CCDC144A: variants seen among roughly 807,000 people sequenced by gnomAD.
CCDC144A encodes the protein coiled-coil domain containing 144A.
A neutral mutation model predicts 143.8 loss-of-function variants in CCDC144A; 41 were observed. The observed-to-expected ratio is 0.29, with a 90% CI of 0.22 to 0.37. CCDC144A has a LOEUF of 0.37. Among genes scored for constraint, CCDC144A ranks in the 10% least tolerant of loss-of-function variants. CCDC144A has a pLI of 1.00. For synonymous variants in CCDC144A, 242 were observed against 517.9 expected, an observed-to-expected ratio of 0.47 and a Z score of 7.23; for missense variants, 637 against 1,488.8, an observed-to-expected ratio of 0.43 and a Z score of 9.41.
chr17:16,682,893 T>G, the CCDC144A span, among the ~76,000 whole-genome samples: 26 of 106,752 alleles, frequency 2.4e-4, no homozygotes, highest in Admixed American at 1.3e-3. Flanking sequence ...GTTTTTTTTT[T>G]TTTTTTTTTT....
chr17:16,669,910 C>T, the CCDC144A span, among the ~76,000 whole-genome samples: 1 of 152,128 alleles, frequency 6.6e-6, no homozygotes, highest in Non-Finnish European at 1.5e-5. Flanking sequence ...TATTGTTAGG[C>T]CAGGCCCGGT....
At chr17:16,759,588 T>G (rs2143360310) in intron 12 of CCDC144A, among the ~76,000 whole-genome samples, 1 of 150,266 alleles carries the variant, frequency 6.7e-6, no homozygotes, top group East Asian at 2.0e-4. Flanking sequence ...CAGGTTCCCG[T>G]ATCGTTTTCT....
At chr17:16,701,189 A>G (rs895767584) in intron 2 of CCDC144A, among the ~76,000 whole-genome samples, 115 of 151,730 alleles carry the variant, frequency 7.6e-4, no homozygotes, top group Non-Finnish European at 1.5e-3. Context: ...AAAATTAATA[A>G]TATTATTTTC....
intron 2 of CCDC144A, among the ~76,000 whole-genome samples, chr17:16,699,538 G>A (rs1911614699): frequency 2.0e-5 from 1 of 49,146 alleles, no homozygotes. Flanking sequence ...ACCGCGCCCG[G>A]CCTGGACTTT....
chr17:16,681,037 A>G, the CCDC144A span, among the ~76,000 whole-genome samples: 1 of 152,114 alleles, frequency 6.6e-6, no homozygotes, highest in South Asian at 2.1e-4. Context: ...GATATTCTTA[A>G]TGAAGTTGCA....
At chr17:16,675,901 C>T in the CCDC144A span, among the ~76,000 whole-genome samples, 1 of 151,742 alleles carries the variant, frequency 6.6e-6, no homozygotes, top group South Asian at 2.1e-4. Context: ...CGCCACCAAG[C>T]CCAGCTAATT....
Position 16,690,745 on chromosome 17 carries a change from G to A in CCDC144A, c.344+1G>A. 6.3e-7 allele frequency: 1 copy of A among 1,597,298 alleles called. No individual in the cohort carries two copies. Among genetic ancestry groups the A allele is most frequent in the Non-Finnish European group, 8.6e-7 (1 of 1,167,820 alleles). On this transcript the variant is annotated splice_donor_variant, in intron 1 of 16. Coordinates refer to ENST00000399273, the MANE Select transcript of CCDC144A (RefSeq NM_001382000.1). LOFTEE classifies it high-confidence loss of function. ...TGGACAAGAGGGATAGGAAGAAGAG[G>A]TAATGGCCAGGCGAAGGATGCGCCG...
Position 16,720,566 on chromosome 17 carries a change from C to T in CCDC144A, c.1799C>T (p.Pro600Leu). ...GCTGACTTTGCTGACTCAATGGAGC[C>T]ATCTGAAATAGCCTCAGAGGATTGT... ...PEADFADSME[P>L]SEIASEDCEL... Residue 600 changes from proline (P) to leucine (L), a missense_variant, in exon 8 of 17, where the codon CCA (proline) becomes CTA (leucine). By Grantham distance (98) the Pro-to-Leu change is moderately conservative (BLOSUM62 -3). Coordinates refer to ENST00000399273, the MANE Select transcript of CCDC144A (RefSeq NM_001382000.1). 1.2e-6 allele frequency: 2 copies of T among 1,609,730 alleles called. No homozygotes were observed. The highest frequency in any genetic ancestry group is 2.2e-5 in the East Asian group (1 of 44,840).
At chr17:16,671,452 T>G in the CCDC144A span, among the ~76,000 whole-genome samples, 1 of 152,102 alleles carries the variant, frequency 6.6e-6, no homozygotes, top group African/African-American at 2.4e-5. Flanking sequence ...GGTCTGATAT[T>G]AGGAAAGTCA....
chr17:16,716,875 A>G (rs1034227515), intron 6 of CCDC144A, among the ~76,000 whole-genome samples: 11 of 141,458 alleles, frequency 7.8e-5, no homozygotes, highest in African/African-American at 1.1e-4. Flanking sequence ...GTGCAGTGGC[A>G]CCATCTCAGC....
chr17:16,739,348 C>G (rs1914156985), intron 12 of CCDC144A, among the ~76,000 whole-genome samples: 1 of 129,632 alleles, frequency 7.7e-6, no homozygotes, highest in South Asian at 2.7e-4. Flanking sequence ...CTCAAGCAAT[C>G]CTCCCACCTC....
chr17:16,724,994 A>C, intron 8 of CCDC144A, among the ~76,000 whole-genome samples: 1 of 94,494 alleles, frequency 1.1e-5, no homozygotes, highest in African/African-American at 3.9e-5. Context: ...GACTGTTTAT[A>C]GCTGGTAATT....
chr17:16,737,395 T>C lies in CCDC144A; in HGVS notation c.3372+1752T>C. On this transcript the variant is annotated intron_variant, in intron 12 of 16. Coordinates refer to ENST00000399273, the MANE Select transcript of CCDC144A (RefSeq NM_001382000.1). ...TTTAGCCGGGATGGTCTCGATCTCC[T>C]GACCTCGTGATCCGCCCGCCTCGGC... The C allele has an allele frequency of 2.4e-6, 2 of 845,500 alleles. 1 individual carries two copies. Among genetic ancestry groups the C allele is most frequent in the South Asian group, 4.2e-5 (2 of 47,330 alleles). The allele number at this position is 845,500 out of a possible 1,614,324, so 52.4% of individuals were successfully genotyped here. A position where few individuals can be genotyped will look rare whatever the true frequency, so the allele number is the denominator to read the frequency against.
At chr17:16,685,935 C>CT (rs1468899412), upstream of CCDC144A, among the ~76,000 whole-genome samples, 68 of 143,924 alleles carry the variant, frequency 4.7e-4, 1 homozygote, top group African/African-American at 1.7e-3. Flanking sequence ...CCACATCTGG[C>CT]TATTTTTTTT....
At chr17:16,679,509 C>T in the CCDC144A span, among the ~76,000 whole-genome samples, 1 of 151,600 alleles carries the variant, frequency 6.6e-6, no homozygotes, top group Non-Finnish European at 1.5e-5. Context: ...ATGAGGACAG[C>T]TTTTACACAG....
At chr17:16,700,177 G>A (rs947077859) in intron 2 of CCDC144A, among the ~76,000 whole-genome samples, 30 of 152,152 alleles carry the variant, frequency 2.0e-4, no homozygotes, top group African/African-American at 7.0e-4. Context: ...AAAGGAAAAG[G>A]TGCATGTGTC....
chr17:16,715,816 C>T (rs905660813), intron 6 of CCDC144A, among the ~76,000 whole-genome samples: 1 of 152,192 alleles, frequency 6.6e-6, no homozygotes, highest in African/African-American at 2.4e-5. Flanking sequence ...TCTTGAGAAA[C>T]ATGGCTATCT....
chr17:16,676,405 G>A, the CCDC144A span, among the ~76,000 whole-genome samples: 1 of 151,640 alleles, frequency 6.6e-6, no homozygotes, highest in Admixed American at 6.6e-5. Context: ...CAGCTACTCG[G>A]GAGGCTGAGG....
At chr17:16,696,568 A>G (rs1911419977) in intron 2 of CCDC144A, among the ~76,000 whole-genome samples, 1 of 149,858 alleles carries the variant, frequency 6.7e-6, no homozygotes, top group African/African-American at 2.5e-5. Flanking sequence ...TTGGAGGCAG[A>G]GGCTGCAGTG....
Sources: gnomAD v4.1 joint callset for allele counts (sites outside exome capture counted in the v4.1 genomes callset) on GRCh38, gnomAD v4.1.1 for gene constraint, MANE v1.5 for transcripts, NCBI Gene and HGNC (gene_info 2026-07-23, HGNC 2026-07-21) for gene names.